Variants in LINGO1 observed in about 807,000 individuals in gnomAD.
LINGO1 encodes leucine-rich repeat and immunoglobulin-like domain-containing nogo receptor-interacting protein 1.
LINGO1 carries 11 observed loss-of-function variants against 37.3 expected under a neutral mutation model. The observed-to-expected ratio is 0.29, with a 90% CI of 0.19 to 0.49. The LOEUF is 0.49. Ranked by LOEUF, LINGO1 falls within the 20% of genes least tolerant of loss-of-function variation. The pLI is 0.99. For synonymous variants in LINGO1, 387 were observed against 403.0 expected (o/e 0.96, Z 0.48); for missense variants, 585 against 878.2 (o/e 0.67, Z 4.22).
intron 2 of LINGO1, among the ~76,000 whole-genome samples, chr15:77,711,882 G>GC (rs2075921265): frequency 8.1e-6 from 1 of 123,514 alleles, no homozygotes; most frequent in Admixed American, 7.7e-5. Context: ...TCTCTCCTCT[G>GC]AGGGGGGGGC....
upstream of LINGO1, among the ~76,000 whole-genome samples, chr15:77,701,333 A>G (rs1171416237): frequency 6.6e-6 from 1 of 152,064 alleles, no homozygotes; most frequent in Non-Finnish European, 1.5e-5. Context: ...TGGCAGCCTG[A>G]GGAGATGAGG....
chr15:77,658,578 AAAG>A (rs1457364090), intron 3 of LINGO1, among the ~76,000 whole-genome samples: 1 of 152,244 alleles, frequency 6.6e-6, no homozygotes, highest in Non-Finnish European at 1.5e-5. Flanking sequence ...ACTTCCAACA[AAAG>A]AAAGAGGAAG....
chr15:77,724,078 C>T (rs2076078441), intron 2 of LINGO1, among the ~76,000 whole-genome samples: 2 of 152,198 alleles, frequency 1.3e-5, no homozygotes, highest in South Asian at 2.1e-4. Flanking sequence ...CCCAGTCACC[C>T]GGGGCTTCTC....
At chr15:77,619,074 C>A (rs2073836546) in intron 1 of LINGO1, among the ~76,000 whole-genome samples, 1 of 152,206 alleles carries the variant, frequency 6.6e-6, no homozygotes, top group Non-Finnish European at 1.5e-5. Context: ...AAGGTGAGAG[C>A]TTCCTAGTGA....
intron 2 of LINGO1, among the ~76,000 whole-genome samples, chr15:77,717,360 A>G (rs1228653113): frequency 6.6e-6 from 1 of 150,720 alleles, no homozygotes; most frequent in Non-Finnish European, 1.5e-5. Context: ...AGGCGGGCAG[A>G]GGTGGGGGTG....
chr15:77,671,921 T>C (rs2141206531), intron 3 of LINGO1, among the ~76,000 whole-genome samples: 1 of 152,272 alleles, frequency 6.6e-6, no homozygotes, highest in Non-Finnish European at 1.5e-5. Context: ...TCTGAGTGAC[T>C]GCTGGCAGCT....
chr15:77,782,386 C>T (rs2076728620), intron 1 of LINGO1, among the ~76,000 whole-genome samples: 1 of 152,186 alleles, frequency 6.6e-6, no homozygotes, highest in South Asian at 2.1e-4. Context: ...AGGCCACGTG[C>T]AGTCTAAAGA....
chr15:77,728,882 T>G (rs1385436579), intron 2 of LINGO1, among the ~76,000 whole-genome samples: 1 of 152,262 alleles, frequency 6.6e-6, no homozygotes, highest in Non-Finnish European at 1.5e-5. Context: ...CTTAGCACAG[T>G]GCCTGGCACA....
intron 2 of LINGO1, among the ~76,000 whole-genome samples, chr15:77,706,148 G>A (rs961045270): frequency 6.6e-6 from 1 of 152,082 alleles, no homozygotes; most frequent in African/African-American, 2.4e-5. Flanking sequence ...ACACCTCATC[G>A]TTCCTCGTCC....
At chr15:77,813,537 C>T (rs1326812112) in intron 1 of LINGO1, among the ~76,000 whole-genome samples, 1 of 152,148 alleles carries the variant, frequency 6.6e-6, no homozygotes, top group Non-Finnish European at 1.5e-5. Flanking sequence ...ATGGTTTCCA[C>T]CAGGCTGCAT....
chr15:77,766,280 AG>A (rs2076527395), intron 1 of LINGO1, among the ~76,000 whole-genome samples: 1 of 141,736 alleles, frequency 7.1e-6, no homozygotes, highest in Non-Finnish European at 1.5e-5. Flanking sequence ...CCTGGGTAAC[AG>A]AAGGAGACCC....
intron 3 of LINGO1, among the ~76,000 whole-genome samples, chr15:77,671,742 C>A (rs1039392570): frequency 6.6e-6 from 1 of 152,246 alleles, no homozygotes; most frequent in Non-Finnish European, 1.5e-5. Flanking sequence ...CTGGGTGAGA[C>A]TTCCAGGGTC....
At chr15:77,694,378 G>A (rs1224492767) in intron 1 of LINGO1, among the ~76,000 whole-genome samples, 5 of 152,130 alleles carry the variant, frequency 3.3e-5, no homozygotes, top group Non-Finnish European at 5.9e-5. Flanking sequence ...TCAGCCCAGG[G>A]TTCCACAGCA....
At chr15:77,625,165 G>A (rs1273074247) in intron 1 of LINGO1, among the ~76,000 whole-genome samples, 5 of 152,160 alleles carry the variant, frequency 3.3e-5, no homozygotes, top group Admixed American at 1.3e-4. Flanking sequence ...TTGGGGTGGG[G>A]GGTGCCACAG....
At chr15:77,685,275 G>A (rs1277147564) in intron 2 of LINGO1, among the ~76,000 whole-genome samples, 3 of 152,276 alleles carry the variant, frequency 2.0e-5, no homozygotes, top group Non-Finnish European at 4.4e-5. Context: ...CTGAGGATCT[G>A]AGCTTGTCAG....
At position 77,804,661 on chromosome 15, in the gene LINGO1, C is replaced by T. The variant is rs564475616; in HGVS notation, c.-457-8608G>A. Among the ~76,000 whole-genome samples, 76 of 152,226 alleles carry T rather than the reference C, an allele frequency of 5.0e-4. 1 individual carries two copies. Among genetic ancestry groups the T allele is most frequent in the Non-Finnish European group, 9.7e-4 (66 of 67,994 alleles). ...TGCAGGGGTGTGGCTGGCCTGACCCCGGCTCCAGGCTGGAGGGCTGAGAGG... is the reference window on the plus strand; with the variant it reads ...TGCAGGGGTGTGGCTGGCCTGACCCTGGCTCCAGGCTGGAGGGCTGAGAGG... On this transcript the variant is annotated intron_variant, in intron 1 of 5. Coordinates refer to the LINGO1 transcript ENST00000562933.
intron 1 of LINGO1, among the ~76,000 whole-genome samples, chr15:77,799,123 C>T (rs1361773352): frequency 6.6e-6 from 1 of 152,214 alleles, no homozygotes; most frequent in East Asian, 1.9e-4. Context: ...CCCAGGTCTC[C>T]TCTTCCCCAG....
At chr15:77,631,026 G>C (rs2074239311) in intron 1 of LINGO1, among the ~76,000 whole-genome samples, 1 of 152,202 alleles carries the variant, frequency 6.6e-6, no homozygotes, top group Non-Finnish European at 1.5e-5. Flanking sequence ...AAGGACAAAG[G>C]GTCTGGGAGC....
chr15:77,647,982 C>A, intron 3 of LINGO1: 1 of 453,862 alleles, frequency 2.2e-6, no homozygotes, highest in Non-Finnish European at 4.4e-6. Context: ...TATTTCCTTG[C>A]CTCCTTCTTT....
Sources: allele counts gnomAD v4.1 joint callset (sites outside exome capture counted in the v4.1 genomes callset), GRCh38; gene constraint gnomAD v4.1.1; transcripts MANE v1.5; gene names NCBI Gene and HGNC (gene_info 2026-07-23, HGNC 2026-07-21).